The following RASA3 variants were observed in gnomAD, a reference collection of about 807,000 sequenced individuals.
RASA3 encodes RAS p21 protein activator 3, also known as ras GTPase-activating protein 3.
Under a neutral mutation model 110.0 loss-of-function variants are expected in RASA3, and 73 were observed. The ratio of observed to expected loss-of-function variants is 0.66; its 90% CI spans 0.55 to 0.81. The LOEUF is 0.81. Ranked by LOEUF, RASA3 falls within the 30% of genes least tolerant of loss-of-function variation. The pLI, the probability that RASA3 is intolerant of heterozygous loss-of-function variation, is 0.00. For synonymous variants in RASA3, 500 were observed against 451.4 expected (o/e 1.11, Z -1.37); for missense variants, 976 against 1,113.2 (o/e 0.88, Z 1.75).
At chr13:114,019,099 G>A (rs1372002885) in intron 9 of RASA3, among the ~76,000 whole-genome samples, 180 bp from the exon 10 acceptor site, 1 of 152,146 alleles carries the variant, frequency 6.6e-6, no homozygotes, top group Non-Finnish European at 1.5e-5. Flanking sequence ...TGGTCACCGG[G>A]GATCCCCAGG....
In RASA3 at chr13:114,039,782, A is replaced by G. The variant is rs117118657; in HGVS notation, c.372+1218T>C. On this transcript the variant is annotated intron_variant, in intron 4 of 23. Transcript: ENST00000334062. ...AGCTGTGAACACAAGGGTCTGGGACATGGGCCCCAGCACTGGAGCCCCCGG... is the reference window on the plus strand; with the variant it reads ...AGCTGTGAACACAAGGGTCTGGGACGTGGGCCCCAGCACTGGAGCCCCCGG... 5.7e-3 allele frequency among the ~76,000 whole-genome samples: 873 copies of G among 152,306 alleles called. 24 individuals carry two copies. The highest frequency in any genetic ancestry group is 0.057 in the East Asian group (293 of 5,174).
At chr13:114,036,498 C>T (rs781225094) in intron 4 of RASA3, among the ~76,000 whole-genome samples, 7 of 152,186 alleles carry the variant, frequency 4.6e-5, no homozygotes, top group South Asian at 4.1e-4. Flanking sequence ...TATGATGAAA[C>T]GGCGGCTCCT....
At chr13:114,020,550 G>A (rs79990119) in intron 9 of RASA3, among the ~76,000 whole-genome samples, 3,317 of 152,334 alleles carry the variant, frequency 0.022, 49 homozygotes, top group Admixed American at 0.033. Flanking sequence ...CATGGGGTGC[G>A]AGGCCCCGGC....
chr13:114,034,345 A>G (rs2054239715), intron 4 of RASA3, among the ~76,000 whole-genome samples: 1 of 152,252 alleles, frequency 6.6e-6, no homozygotes, highest in African/African-American at 2.4e-5. Context: ...CTCTATTCAC[A>G]TTCGGGAGCT....
At chr13:114,095,641 C>T (rs2079932772) in intron 1 of RASA3, among the ~76,000 whole-genome samples, 1 of 152,054 alleles carries the variant, frequency 6.6e-6, no homozygotes, top group African/African-American at 2.4e-5. Flanking sequence ...CACTCACACT[C>T]ACAAGTCATC....
chr13:114,015,418 T>G, intron 13 of RASA3, 86 bp from the exon 14 acceptor site: 1 of 1,557,840 alleles, frequency 6.4e-7, no homozygotes, highest in Non-Finnish European at 8.7e-7. Flanking sequence ...GAGGGGCGCG[T>G]GGGGAGGGGC....
At chr13:114,021,706 C>T (rs2053930598) in intron 8 of RASA3, among the ~76,000 whole-genome samples, 198 bp from the exon 9 acceptor site, 1 of 152,178 alleles carries the variant, frequency 6.6e-6, no homozygotes, top group African/African-American at 2.4e-5. Flanking sequence ...ATGAGTGTCT[C>T]CCAGTGGTAA....
At chr13:114,015,090 G>C in intron 14 of RASA3, 119 bp downstream of exon 14, 1 of 1,383,418 alleles carries the variant, frequency 7.2e-7, no homozygotes, top group Non-Finnish European at 9.9e-7. Flanking sequence ...CGGAACTGGG[G>C]TTCACGACCC....
In RASA3 at chr13:114,132,443, A is replaced by G; in HGVS notation, c.47T>C (p.Ile16Thr). The G allele has an allele frequency of 1.3e-6, 2 of 1,528,988 alleles. No individual in the cohort carries two copies. Among genetic ancestry groups the G allele is most frequent in the Non-Finnish European group, 1.7e-6 (2 of 1,145,662 alleles). 94.7% of individuals were successfully genotyped at this position (1,528,988 alleles called of 1,614,324 possible). The change falls in exon 1 of 24, where the codon ATC (isoleucine) becomes ACC (threonine). Residue 16 changes from isoleucine (I) to threonine (T), a missense_variant. Physicochemically the swap from Ile to Thr is moderately conservative, Grantham distance 89 (BLOSUM62 -1). Coordinates refer to ENST00000334062, the MANE Select transcript of RASA3 (RefSeq NM_007368.4). ...EGLRVFQSVK[I>T]KIGEAKNLPS... ...TGCCGGCGGACACTCACCGATCTTG[A>G]TCTTCACGCTCTGGAAGACCCGGAG...
intron 1 of RASA3, among the ~76,000 whole-genome samples, chr13:114,101,077 C>A (rs566568785): frequency 6.6e-6 from 1 of 152,136 alleles, no homozygotes; most frequent in African/African-American, 2.4e-5. Flanking sequence ...GGGACAGGGG[C>A]TCCCCACACC....
chr13:114,047,802 G>GA (rs1356973253), intron 3 of RASA3, among the ~76,000 whole-genome samples: 1 of 152,226 alleles, frequency 6.6e-6, no homozygotes, highest in Non-Finnish European at 1.5e-5. Flanking sequence ...TGGCCTCCTG[G>GA]AAAAGGCAAC....
At chr13:114,066,279 AG>A (rs2079448021) in intron 2 of RASA3, among the ~76,000 whole-genome samples, 1 of 152,166 alleles carries the variant, frequency 6.6e-6, no homozygotes, top group Non-Finnish European at 1.5e-5. Context: ...AGGCACAACC[AG>A]ACACCGGGTC....
At position 114,027,876 on chromosome 13, in the gene RASA3, G is replaced by A. The variant is rs200944524; in HGVS notation, c.501C>T (p.Tyr167=). ...LPIVNGQCDP[Y]ATVTLAGPFR... ...AGGGTCCTGCCAGCGTCACGGTGGC[G>A]TAGGGGTCACATTGCCCATTCACGA... is the stretch of plus-strand genomic sequence containing the variant. The change falls in exon 6 of 24, where the codon TAC becomes TAT. Residue 167 remains tyrosine (Y), a synonymous_variant. Coordinates refer to ENST00000334062, the MANE Select transcript of RASA3 (RefSeq NM_007368.4). 1.8e-5 allele frequency: 29 copies of A among 1,613,836 alleles called. No individual in the cohort carries two copies. Among genetic ancestry groups the A allele is most frequent in the African/African-American group, 5.3e-5 (4 of 74,912 alleles).
At chr13:114,126,267 C>T (rs953943095) in intron 1 of RASA3, among the ~76,000 whole-genome samples, 7 of 152,206 alleles carry the variant, frequency 4.6e-5, no homozygotes, top group Admixed American at 1.3e-4. Flanking sequence ...CACATCCCCA[C>T]GGGACCCCGT....
At chr13:114,082,563 G>C (rs2079801350) in intron 1 of RASA3, among the ~76,000 whole-genome samples, 1 of 152,242 alleles carries the variant, frequency 6.6e-6, no homozygotes, top group Non-Finnish European at 1.5e-5. Context: ...AGGGAACTGG[G>C]TCTTTCTCCC....
chr13:114,109,700 G>T (rs2080189698), intron 1 of RASA3, among the ~76,000 whole-genome samples: 2 of 152,178 alleles, frequency 1.3e-5, no homozygotes, highest in Admixed American at 1.3e-4. Flanking sequence ...CATCCCGGCT[G>T]TGCACACCTG....
intron 21 of RASA3, among the ~76,000 whole-genome samples, chr13:113,995,480 C>T (rs2139115650): frequency 6.6e-6 from 1 of 152,366 alleles, no homozygotes; most frequent in Non-Finnish European, 1.5e-5. Context: ...ATCACGTGGC[C>T]ACAACAACAG....
intron 8 of RASA3, among the ~76,000 whole-genome samples, chr13:114,023,020 C>G (rs76150953): frequency 1.3e-5 from 2 of 152,172 alleles, no homozygotes; most frequent in African/African-American, 4.8e-5. Flanking sequence ...CGGATCTGAC[C>G]GATAACATCA....
chr13:114,013,485 CTCTG>C (rs767853366), intron 14 of RASA3, among the ~76,000 whole-genome samples: 21 of 142,588 alleles, frequency 1.5e-4, no homozygotes, highest in African/African-American at 3.7e-4. Flanking sequence ...CTCTCCGTAT[CTCTG>C]TCTCTCTCTC....
Sources: gnomAD v4.1 joint callset for allele counts (sites outside exome capture counted in the v4.1 genomes callset) on GRCh38, gnomAD v4.1.1 for gene constraint, MANE v1.5 for transcripts, NCBI Gene and HGNC (gene_info 2026-07-23, HGNC 2026-07-21) for gene names.